Variants in ISM1 observed in about 807,000 individuals in gnomAD.
ISM1 encodes the protein isthmin 1, also known as isthmin-1.
ISM1 carries 25 observed loss-of-function variants against 46.3 expected under a neutral mutation model. The ratio of observed to expected loss-of-function variants is 0.54; its 90% CI spans 0.39 to 0.75. The LOEUF is 0.75. Ranked by LOEUF, ISM1 falls within the 30% of genes least tolerant of loss-of-function variation. The pLI, the probability that ISM1 is intolerant of heterozygous loss-of-function variation, is 0.00. For missense variants in ISM1, 536 were observed against 625.4 expected (o/e 0.86, Z 1.52); for synonymous variants, 255 against 256.7 (o/e 0.99, Z 0.06).
chr20:13,285,754 C>T (rs2040285263), intron 3 of ISM1, among the ~76,000 whole-genome samples: 1 of 152,208 alleles, frequency 6.6e-6, no homozygotes, highest in Non-Finnish European at 1.5e-5. Flanking sequence ...ACAATATTAA[C>T]ATTTAATAAT....
chr20:13,237,060 T>C (rs1315439289), intron 1 of ISM1, among the ~76,000 whole-genome samples: 1 of 152,176 alleles, frequency 6.6e-6, no homozygotes, highest in Non-Finnish European at 1.5e-5. Flanking sequence ...GGGGCTCCGG[T>C]CCCACATTTC....
intron 1 of ISM1, among the ~76,000 whole-genome samples, chr20:13,241,585 G>A (rs550445457): frequency 6.6e-6 from 1 of 152,230 alleles, no homozygotes; most frequent in Admixed American, 6.5e-5. Flanking sequence ...TAGAGTGATG[G>A]TAATAAAAGA....
intron 1 of ISM1, among the ~76,000 whole-genome samples, chr20:13,249,217 T>A (rs1311437437): frequency 1.3e-5 from 2 of 152,160 alleles, no homozygotes; most frequent in Admixed American, 1.3e-4. Context: ...TCTTCTGTTC[T>A]CCCCACCACT....
At chr20:13,242,413 T>C (rs764099777) in intron 1 of ISM1, among the ~76,000 whole-genome samples, 45 of 152,126 alleles carry the variant, frequency 3.0e-4, no homozygotes, top group Non-Finnish European at 5.0e-4. Context: ...AAGTCAGGAG[T>C]TAGCCATGGA....
the ISM1 span, among the ~76,000 whole-genome samples, chr20:13,323,709 T>TTA: frequency 2.4e-4 from 36 of 152,330 alleles, no homozygotes; most frequent in African/African-American, 8.4e-4. Flanking sequence ...CCAGAGTTAA[T>TTA]TACTAAAAGA....
At chr20:13,256,865 A>G (rs1446572245) in intron 1 of ISM1, among the ~76,000 whole-genome samples, 1 of 152,188 alleles carries the variant, frequency 6.6e-6, no homozygotes. Context: ...AGTGATACGT[A>G]AAAGTGTTTG....
chr20:13,227,513 C>CTTT, intron 1 of ISM1, among the ~76,000 whole-genome samples: 1 of 115,396 alleles, frequency 8.7e-6, no homozygotes, highest in Non-Finnish European at 1.8e-5. Context: ...CAACTTTTTT[C>CTTT]TTTTTTTTTT....
chr20:13,227,337 G>GA (rs2039537107), intron 1 of ISM1, among the ~76,000 whole-genome samples: 1 of 151,470 alleles, frequency 6.6e-6, no homozygotes, highest in East Asian at 1.9e-4. Flanking sequence ...CCGAGTAGCT[G>GA]GGACTACAGG....
At chr20:13,292,264 A>G in intron 4 of ISM1, 110 bp from the exon 5 acceptor site, 1 of 685,174 alleles carries the variant, frequency 1.5e-6, no homozygotes, top group East Asian at 2.7e-5. Flanking sequence ...GTGAGTAGTA[A>G]TGAATACAAA....
the ISM1 span, among the ~76,000 whole-genome samples, chr20:13,306,663 C>T: frequency 2.7e-5 from 4 of 150,398 alleles, no homozygotes; most frequent in African/African-American, 9.8e-5. Flanking sequence ...TCTGTGTTAT[C>T]AACATAAGTA....
intron 5 of ISM1, among the ~76,000 whole-genome samples, chr20:13,294,877 T>A (rs2040391594): frequency 1.3e-5 from 2 of 152,166 alleles, no homozygotes; most frequent in African/African-American, 4.8e-5. Flanking sequence ...CACAGCAAGG[T>A]AAAATACCTC....
the ISM1 span, among the ~76,000 whole-genome samples, chr20:13,318,710 G>A: frequency 6.6e-6 from 1 of 152,188 alleles, no homozygotes; most frequent in Non-Finnish European, 1.5e-5. Context: ...AATAAGAAAT[G>A]AGCCGTCAAG....
At chr20:13,314,853 T>G in the ISM1 span, among the ~76,000 whole-genome samples, 102 of 152,226 alleles carry the variant, frequency 6.7e-4, 1 homozygote, top group African/African-American at 2.2e-3. Context: ...GCATGTATGC[T>G]TATGTATAAG....
chr20:13,235,983 G>A (rs1260896632), intron 1 of ISM1, among the ~76,000 whole-genome samples: 2 of 151,526 alleles, frequency 1.3e-5, no homozygotes, highest in East Asian at 1.9e-4. Context: ...GGAGTGCAGT[G>A]ATGCAATCTT....
chr20:13,319,900 T>C, the ISM1 span, among the ~76,000 whole-genome samples: 2 of 152,100 alleles, frequency 1.3e-5, no homozygotes, highest in African/African-American at 4.8e-5. Context: ...CTGCAGAGAT[T>C]GTGAGGGCTC....
At chr20:13,301,815 G>C (rs1359686372), downstream of ISM1, among the ~76,000 whole-genome samples, 1 of 152,050 alleles carries the variant, frequency 6.6e-6, no homozygotes, top group African/African-American at 2.4e-5. Flanking sequence ...CAGCTCAACT[G>C]GGTGATCAGG....
At position 13,265,970 on chromosome 20, in the gene ISM1, C is replaced by T. The variant is rs773553437; in HGVS notation, c.139-4534C>T. On this transcript the variant is annotated intron_variant, in intron 1 of 5. Coordinates refer to ENST00000262487, the MANE Select transcript of ISM1 (RefSeq NM_080826.2). The stretch of plus-strand genomic sequence containing the variant: ...AGCCTCCATCCTCAGGCCTGCCAGC[C>T]GCCTCATTTCACGTCAAGCCTTGTT... Among the ~76,000 whole-genome samples, 12 of 152,254 alleles carry T rather than the reference C, an allele frequency of 7.9e-5. No individual in the cohort carries two copies. The East Asian group carries it at 1.2e-3, about 15-fold the overall frequency.
At chr20:13,290,375 T>C (rs1481672503) in intron 4 of ISM1, among the ~76,000 whole-genome samples, 1 of 152,172 alleles carries the variant, frequency 6.6e-6, no homozygotes, top group East Asian at 1.9e-4. Flanking sequence ...GATTGCCTGG[T>C]GCGGTGGCTC....
intron 1 of ISM1, chr20:13,238,192 C>G (rs1201298118): frequency 6.6e-6 from 1 of 152,134 alleles, no homozygotes; most frequent in Non-Finnish European, 1.5e-5. Flanking sequence ...GGTTACATTG[C>G]CCAAACATTC....
Sources: allele counts gnomAD v4.1 joint callset (sites outside exome capture counted in the v4.1 genomes callset), GRCh38; gene constraint gnomAD v4.1.1; transcripts MANE v1.5; gene names NCBI Gene and HGNC (gene_info 2026-07-23, HGNC 2026-07-21).